CRADD: variants seen among roughly 807,000 people sequenced by gnomAD.
The protein encoded by CRADD is death domain-containing protein CRADD.
CRADD carries 9 observed loss-of-function variants against 15.5 expected under a neutral mutation model. The observed-to-expected ratio is 0.58, with a 90% CI of 0.35 to 1.01. CRADD has a LOEUF of 1.01. Ranked by LOEUF, CRADD falls within the 50% of genes least tolerant of loss-of-function variation. The pLI, the probability that CRADD is intolerant of heterozygous loss-of-function variation, is 0.02. For missense variants in CRADD, 227 were observed against 250.3 expected (o/e 0.91, Z 0.63); for synonymous variants, 118 against 107.6 (o/e 1.10, Z -0.60).
intron 2 of CRADD, among the ~76,000 whole-genome samples, chr12:93,743,627 T>C (rs1956711275): frequency 6.6e-6 from 1 of 152,236 alleles, no homozygotes; most frequent in Admixed American, 6.5e-5. Flanking sequence ...AATAAAAGCC[T>C]AAAATTATTC....
intron 2 of CRADD, among the ~76,000 whole-genome samples, chr12:93,893,450 C>T (rs1437665086): frequency 6.6e-6 from 1 of 151,572 alleles, no homozygotes. Context: ...AAATCATGTA[C>T]ATTAACCTCA....
chr12:93,777,227 G>T (rs935486484), intron 2 of CRADD, among the ~76,000 whole-genome samples: 1 of 152,186 alleles, frequency 6.6e-6, no homozygotes, highest in African/African-American at 2.4e-5. Context: ...TCAGGTGGCT[G>T]ATGACAATCA....
chr12:93,869,537 G>A (rs903917822), intron 2 of CRADD, among the ~76,000 whole-genome samples: 1 of 152,146 alleles, frequency 6.6e-6, no homozygotes, highest in Non-Finnish European at 1.5e-5. Context: ...GGTGTAATTT[G>A]TGGAGACATG....
At position 93,812,091 on chromosome 12, in the gene CRADD, T is replaced by C. The variant is rs1486171594; in HGVS notation, c.299-37879T>C. On this transcript the variant is annotated intron_variant, in intron 2 of 2. Coordinates refer to ENST00000332896, the MANE Select transcript of CRADD (RefSeq NM_003805.5). ...AAAACTATAGAGAAAGTAAAAAAGA[T>C]CAGTGATTGCCAGGCCTTCGGGGAA... 2.0e-5 allele frequency among the ~76,000 whole-genome samples: 3 copies of C among 152,162 alleles called. No homozygotes were observed. The East Asian group carries it at 5.8e-4, about 29-fold the overall frequency.
chr12:93,726,094 GTTTTTTTTT>G (rs1165429350), intron 2 of CRADD, among the ~76,000 whole-genome samples: 13 of 96,038 alleles, frequency 1.4e-4, no homozygotes, highest in African/African-American at 4.8e-4. Flanking sequence ...AAATAGTTTA[GTTTTTTTTT>G]TTTTTTTTTT....
intron 2 of CRADD, among the ~76,000 whole-genome samples, chr12:93,715,140 A>C (rs1956140371): frequency 6.6e-6 from 1 of 152,190 alleles, no homozygotes; most frequent in African/African-American, 2.4e-5. Context: ...TTATTAAACA[A>C]TTCTTTCTTT....
chr12:93,816,383 ATT>A (rs61294048), intron 2 of CRADD, among the ~76,000 whole-genome samples: 4 of 122,076 alleles, frequency 3.3e-5, no homozygotes, highest in Non-Finnish European at 4.9e-5. Context: ...TGCCTGGCTA[ATT>A]TTTTTTTTTT....
chr12:93,682,615 T>C (rs1955339827), intron 2 of CRADD, among the ~76,000 whole-genome samples: 1 of 152,216 alleles, frequency 6.6e-6, no homozygotes, highest in African/African-American at 2.4e-5. Flanking sequence ...TCAGAGGCTT[T>C]ATTTTGGTGA....
intron 2 of CRADD, among the ~76,000 whole-genome samples, chr12:93,776,558 G>T (rs1957142463): frequency 6.6e-6 from 1 of 152,064 alleles, no homozygotes; most frequent in Admixed American, 6.6e-5. Context: ...GAGCAGAGTG[G>T]GTACTAAAAG....
intron 2 of CRADD, among the ~76,000 whole-genome samples, chr12:93,802,538 C>A (rs1957487854): frequency 6.6e-6 from 1 of 152,158 alleles, no homozygotes; most frequent in African/African-American, 2.4e-5. Context: ...CAATGGCCAA[C>A]TGGTCATGGC....
chr12:93,777,247 G>A (rs1957150311), intron 2 of CRADD, among the ~76,000 whole-genome samples: 1 of 152,178 alleles, frequency 6.6e-6, no homozygotes, highest in Non-Finnish European at 1.5e-5. Flanking sequence ...AGCTCTAGGG[G>A]TGGATGGTGG....
intron 2 of CRADD, among the ~76,000 whole-genome samples, chr12:93,803,611 T>C (rs1454754970): frequency 2.6e-5 from 4 of 152,122 alleles, no homozygotes; most frequent in Non-Finnish European, 5.9e-5. Context: ...GAGATCTGTC[T>C]CTCCTGGCAT....
intron 2 of CRADD, among the ~76,000 whole-genome samples, chr12:93,732,051 G>A (rs915682534): frequency 5.3e-5 from 8 of 151,834 alleles, no homozygotes; most frequent in Non-Finnish European, 7.4e-5. Context: ...CAGGAGAATC[G>A]CTTGAACGCA....
chr12:93,735,816 T>A, intron 2 of CRADD: 1 of 151,966 alleles, frequency 6.6e-6, no homozygotes, highest in East Asian at 1.9e-4. Context: ...GACACCTAGG[T>A]TAAAACTGAT....
chr12:93,871,029 A>AC (rs1293068521), intron 2 of CRADD, among the ~76,000 whole-genome samples: 2 of 152,254 alleles, frequency 1.3e-5, no homozygotes, highest in African/African-American at 4.8e-5. Context: ...TACAACAGAT[A>AC]CACTATAAAT....
intron 2 of CRADD, among the ~76,000 whole-genome samples, chr12:93,825,890 C>T (rs1957818302): frequency 6.6e-6 from 1 of 152,200 alleles, no homozygotes; most frequent in Non-Finnish European, 1.5e-5. Flanking sequence ...GTTTTGTCTT[C>T]CCCATTAATA....
downstream of CRADD, among the ~76,000 whole-genome samples, chr12:93,854,850 A>G (rs1220187524): frequency 6.6e-6 from 1 of 152,214 alleles, no homozygotes; most frequent in Non-Finnish European, 1.5e-5. Flanking sequence ...TATTAATAAC[A>G]TATTTTTAAA....
At chr12:93,795,011 G>A (rs1363439311) in intron 2 of CRADD, among the ~76,000 whole-genome samples, 3 of 152,122 alleles carry the variant, frequency 2.0e-5, no homozygotes, top group African/African-American at 7.2e-5. Context: ...CCTATGTAAA[G>A]TATTCATATA....
chr12:93,796,873 C>T (rs1957424506), intron 2 of CRADD, among the ~76,000 whole-genome samples: 1 of 152,148 alleles, frequency 6.6e-6, no homozygotes, highest in Non-Finnish European at 1.5e-5. Context: ...CTGCCCTTGT[C>T]AGTGTCTCAC....
Sources: gnomAD v4.1 joint callset for allele counts (sites outside exome capture counted in the v4.1 genomes callset) on GRCh38, gnomAD v4.1.1 for gene constraint, MANE v1.5 for transcripts, NCBI Gene and HGNC (gene_info 2026-07-23, HGNC 2026-07-21) for gene names.